The following PPP2R2A variants were observed in gnomAD, a reference collection of about 807,000 sequenced individuals.
The protein encoded by PPP2R2A is protein phosphatase 2 regulatory subunit Balpha.
Under a neutral mutation model 53.2 loss-of-function variants are expected in PPP2R2A, and 9 were observed. The observed-to-expected ratio is 0.17, with a 90% CI of 0.10 to 0.30. PPP2R2A has a LOEUF of 0.30. Among genes scored for constraint, PPP2R2A ranks in the 10% least tolerant of loss-of-function variants. The probability of loss-of-function intolerance (pLI) is 1.00; values close to 1 mark genes in which losing one functional copy is unlikely to be tolerated. For synonymous variants in PPP2R2A, 169 were observed against 174.2 expected (o/e 0.97, Z 0.23); for missense variants, 235 against 534.6 (o/e 0.44, Z 5.53).
chr8:26,291,850 C>G (rs1269021235), intron 1 of PPP2R2A, 24 bp downstream of exon 1: 19 of 1,608,300 alleles, frequency 1.2e-5, no homozygotes, highest in Non-Finnish European at 1.5e-5. Context: ...CCCCCTCGCC[C>G]CCTGACAAGG....
intron 3 of PPP2R2A, among the ~76,000 whole-genome samples, chr8:26,349,364 G>A (rs187118558): frequency 1.3e-5 from 2 of 152,230 alleles, no homozygotes; most frequent in Admixed American, 1.3e-4. Context: ...CTGCCTTCCA[G>A]TTAGGGAGAC....
intron 2 of PPP2R2A, among the ~76,000 whole-genome samples, chr8:26,327,313 C>T (rs1259809172): frequency 2.0e-5 from 3 of 152,174 alleles, no homozygotes; most frequent in African/African-American, 7.2e-5. Flanking sequence ...CCTTCCCGCC[C>T]TTCAGCCTCA....
At chr8:26,304,857 A>T (rs867833835) in intron 2 of PPP2R2A, among the ~76,000 whole-genome samples, 1 of 151,510 alleles carries the variant, frequency 6.6e-6, no homozygotes, top group East Asian at 1.9e-4. Context: ...AATGAGCATT[A>T]TTTTTTTTTC....
At chr8:26,346,117 GTTATTATTATTA>G (rs71551870) in intron 3 of PPP2R2A, among the ~76,000 whole-genome samples, 2 of 144,414 alleles carry the variant, frequency 1.4e-5, no homozygotes, top group South Asian at 2.2e-4. Flanking sequence ...TACCAGTCGG[GTTATTATTATTA>G]TTATTATTAT....
At chr8:26,312,311 G>A (rs187394338) in intron 2 of PPP2R2A, among the ~76,000 whole-genome samples, 1 of 152,186 alleles carries the variant, frequency 6.6e-6, no homozygotes, top group Non-Finnish European at 1.5e-5. Context: ...AATGTCCTGG[G>A]AATCTGGTTA....
intron 3 of PPP2R2A, among the ~76,000 whole-genome samples, chr8:26,340,826 GT>G (rs1803908227): frequency 6.6e-6 from 1 of 151,902 alleles, no homozygotes; most frequent in African/African-American, 2.4e-5. Context: ...ACATTAATTT[GT>G]AATTAAATTC....
Position 26,291,558 on chromosome 8 carries a change from C to CGCCGCCGCCGTCGCTGTCGTA in PPP2R2A, c.-260_-240dup. 1.9e-6 allele frequency: 1 copy of CGCCGCCGCCGTCGCTGTCGTA among 526,146 alleles called. No homozygotes were observed. The highest frequency in any genetic ancestry group is 3.4e-6 in the Non-Finnish European group (1 of 297,008). The allele number at this position is 526,146 out of a possible 1,614,324, so 32.6% of individuals were successfully genotyped here. On this transcript the variant is annotated 5_prime_UTR_variant, in exon 1 of 10. Coordinates refer to ENST00000380737, the MANE Select transcript of PPP2R2A (RefSeq NM_002717.4). ...TGGAGTCGCCTGCCCCTGCCGCTGC[C>CGCCGCCGCCGTCGCTGTCGTA]GCCGCCGCCGTCGCTGTCGTAGTCG...
rs892719363 is a variant in PPP2R2A, at chr8:26,362,543, T to G, written c.638-141T>G. 2.2e-5 allele frequency: 17 copies of G among 772,796 alleles called. No homozygotes were observed. The highest frequency in any genetic ancestry group is 3.2e-5 in the Non-Finnish European group (16 of 496,764). 47.9% of individuals were successfully genotyped at this position (772,796 alleles called of 1,614,324 possible). ...AAAAAAAGTTTTAATCCCTTTGGAATTTATACTCATAAAAACAGTGGAGTG... is the reference window on the plus strand; with the variant it reads ...AAAAAAAGTTTTAATCCCTTTGGAAGTTATACTCATAAAAACAGTGGAGTG... On this transcript the variant is annotated intron_variant, in intron 6 of 9. Coordinates refer to ENST00000380737, the MANE Select transcript of PPP2R2A (RefSeq NM_002717.4). This position sits in a 1 kb window ranked among gnomAD's most constrained non-coding sequence, Gnocchi z 4.4.
chr8:26,320,271 G>A (rs938168974), intron 2 of PPP2R2A, among the ~76,000 whole-genome samples: 2 of 152,140 alleles, frequency 1.3e-5, no homozygotes, highest in Non-Finnish European at 2.9e-5. Context: ...CAGAATCCTG[G>A]TTATTTGGCA....
At chr8:26,357,649 T>A (rs1255538261) in intron 4 of PPP2R2A, among the ~76,000 whole-genome samples, 1 of 152,084 alleles carries the variant, frequency 6.6e-6, no homozygotes, top group Non-Finnish European at 1.5e-5. Flanking sequence ...ATAAATAGGG[T>A]GTGTCTTAAC....
At chr8:26,342,251 A>G (rs1196499486) in intron 3 of PPP2R2A, among the ~76,000 whole-genome samples, 2 of 152,248 alleles carry the variant, frequency 1.3e-5, no homozygotes, top group Non-Finnish European at 2.9e-5. Context: ...AAATTCTGAT[A>G]ACAAATCCAG....
intron 2 of PPP2R2A, chr8:26,333,389 C>A: frequency 2.4e-6 from 1 of 416,314 alleles, no homozygotes; most frequent in Non-Finnish European, 3.7e-6. Flanking sequence ...CAATGTATTT[C>A]TTAACTATTG....
intron 2 of PPP2R2A, chr8:26,298,738 A>C (rs1167095608): frequency 2.6e-5 from 4 of 152,244 alleles, no homozygotes; most frequent in African/African-American, 4.8e-5. Flanking sequence ...GTCAATGGCC[A>C]GTGTTGCCCC....
intron 3 of PPP2R2A, among the ~76,000 whole-genome samples, chr8:26,347,902 TTG>T (rs1227673936): frequency 3.9e-5 from 6 of 152,326 alleles, no homozygotes; most frequent in Admixed American, 1.3e-4. Flanking sequence ...GAGATTTCTC[TTG>T]TGTTTATTTC....
chr8:26,294,463 T>C (rs894551525), intron 2 of PPP2R2A, among the ~76,000 whole-genome samples: 2 of 152,214 alleles, frequency 1.3e-5, no homozygotes, highest in African/African-American at 4.8e-5. Context: ...TTTGCATTCA[T>C]TTGAGATGGT....
At chr8:26,334,744 CA>C in intron 2 of PPP2R2A, among the ~76,000 whole-genome samples, 1 of 147,414 alleles carries the variant, frequency 6.8e-6, no homozygotes. Flanking sequence ...GACTCCATCT[CA>C]AAAAAAAACA....
chr8:26,293,938 T>C (rs1801424109), intron 2 of PPP2R2A, 198 bp downstream of exon 2: 2 of 568,144 alleles, frequency 3.5e-6, no homozygotes, highest in East Asian at 3.0e-5. Context: ...GTTTTTATTA[T>C]TTTTTCCTCT....
chr8:26,332,415 GA>G (rs905085489), intron 2 of PPP2R2A, among the ~76,000 whole-genome samples: 4 of 143,168 alleles, frequency 2.8e-5, no homozygotes, highest in Non-Finnish European at 3.1e-5. Flanking sequence ...AATACCTTTT[GA>G]AAAAAAAATA....
chr8:26,307,510 C>A (rs1802076690), intron 2 of PPP2R2A, among the ~76,000 whole-genome samples: 1 of 152,196 alleles, frequency 6.6e-6, no homozygotes, highest in African/African-American at 2.4e-5. Flanking sequence ...TCCACCATGT[C>A]TAATTCTCGA....
Sources: allele counts gnomAD v4.1 joint callset (sites outside exome capture counted in the v4.1 genomes callset), GRCh38; gene constraint gnomAD v4.1.1; non-coding constraint Gnocchi (gnomAD v3.1); transcripts MANE v1.5; gene names NCBI Gene and HGNC (gene_info 2026-07-23, HGNC 2026-07-21).